Variants in AK9 observed in about 807,000 individuals in gnomAD.
AK9 encodes the protein adenylate kinase 9.
A neutral mutation model predicts 239.6 loss-of-function variants in AK9; 191 were observed. The ratio of observed to expected loss-of-function variants is 0.80; its 90% CI spans 0.71 to 0.90. The LOEUF is 0.90. Among genes scored for constraint, AK9 ranks in the 40% least tolerant of loss-of-function variants. The pLI is 0.00. For synonymous variants in AK9, 689 were observed against 721.0 expected (o/e 0.96, Z 0.71); for missense variants, 1,995 against 2,214.7 (o/e 0.90, Z 1.99).
At chr6:109,495,526 A>G in intron 38 of AK9, 86 bp from the exon 39 acceptor site, 1 of 954,284 alleles carries the variant, frequency 1.0e-6, no homozygotes, top group South Asian at 2.4e-5. Context: ...ATTAGAAGAT[A>G]AAGTTCACTA....
chr6:109,512,679 A>G (rs1778875207), intron 32 of AK9, among the ~76,000 whole-genome samples: 2 of 152,226 alleles, frequency 1.3e-5, no homozygotes, highest in South Asian at 2.1e-4. Flanking sequence ...AATGTATCCT[A>G]TATCTGCCCT....
At chr6:109,579,302 A>T in intron 20 of AK9, 1 of 398,262 alleles carries the variant, frequency 2.5e-6, no homozygotes. Flanking sequence ...GTGTATGAGT[A>T]GGTATCTCTG....
At chr6:109,672,871 C>T (rs185912127) in intron 3 of AK9, among the ~76,000 whole-genome samples, 1 of 152,218 alleles carries the variant, frequency 6.6e-6, no homozygotes, top group African/African-American at 2.4e-5. Flanking sequence ...ATTAATTAAT[C>T]CAGATTTTCA....
intron 29 of AK9, among the ~76,000 whole-genome samples, chr6:109,526,889 G>C (rs746224112): frequency 2.0e-4 from 30 of 152,166 alleles, no homozygotes; most frequent in Non-Finnish European, 4.1e-4. Context: ...GAGGATCCTG[G>C]AGATGGTTTT....
Position 109,509,300 on chromosome 6 carries a change from GGTGA to G in AK9, c.4356_4359del (p.His1453ArgfsTer9). 6.4e-7 allele frequency: 1 copy of G among 1,551,606 alleles called. No homozygotes were observed. Among genetic ancestry groups the G allele is most frequent in the Non-Finnish European group, 8.7e-7 (1 of 1,146,970 alleles). ...AACATAAGTGCCAGCTCTGTTTCCG[GGTGA>G]TTGTTTAGTACATAACGCAAAGCTC... On this transcript the variant is annotated frameshift_variant, in exon 33 of 41. Coordinates refer to ENST00000424296, the MANE Select transcript of AK9 (RefSeq NM_001145128.3). LOFTEE classifies it high-confidence loss of function.
At chr6:109,636,039 T>G (rs1455593260) in intron 10 of AK9, among the ~76,000 whole-genome samples, 2 of 152,170 alleles carry the variant, frequency 1.3e-5, no homozygotes, top group Non-Finnish European at 2.9e-5. Flanking sequence ...TATATACCAT[T>G]GAATAAAGGG....
At chr6:109,516,804 T>C (rs137942483) in intron 29 of AK9, among the ~76,000 whole-genome samples, 162 bp from the exon 30 acceptor site, 119 of 152,332 alleles carry the variant, frequency 7.8e-4, no homozygotes, top group South Asian at 2.3e-3. Flanking sequence ...CTGACACTTT[T>C]GGGGGTGTTA....
At chr6:109,680,818 A>T (rs1046078639) in intron 1 of AK9, among the ~76,000 whole-genome samples, 1 of 152,202 alleles carries the variant, frequency 6.6e-6, no homozygotes, top group Non-Finnish European at 1.5e-5. Context: ...TAAAGAAAAG[A>T]ATTTTCAACG....
intron 17 of AK9, among the ~76,000 whole-genome samples, chr6:109,603,685 G>A (rs1792414380): frequency 6.6e-6 from 1 of 152,196 alleles, no homozygotes; most frequent in Non-Finnish European, 1.5e-5. Context: ...GTCTACAGAG[G>A]CAGGCAGGCC....
chr6:109,575,548 T>C (rs1265450664), intron 20 of AK9, among the ~76,000 whole-genome samples: 1 of 152,146 alleles, frequency 6.6e-6, no homozygotes, highest in East Asian at 1.9e-4. Context: ...TTCTTGCTGA[T>C]TTGAGTTCCT....
At chr6:109,521,598 A>C (rs964013917) in intron 29 of AK9, among the ~76,000 whole-genome samples, 1 of 152,048 alleles carries the variant, frequency 6.6e-6, no homozygotes, top group Non-Finnish European at 1.5e-5. Flanking sequence ...ATTGATTCTA[A>C]AAATTAAAAG....
chr6:109,615,436 T>C (rs1794067494), intron 13 of AK9, among the ~76,000 whole-genome samples: 1 of 152,182 alleles, frequency 6.6e-6, no homozygotes, highest in African/African-American at 2.4e-5. Flanking sequence ...CTTAAATAGG[T>C]TGAATAACAA....
chr6:109,511,299 G>A (rs1289073019), intron 32 of AK9, among the ~76,000 whole-genome samples: 1 of 152,088 alleles, frequency 6.6e-6, no homozygotes, highest in African/African-American at 2.4e-5. Context: ...TTAGATCTCA[G>A]TTAATCCTCT....
chr6:109,571,327 G>A (rs547865425), intron 21 of AK9, among the ~76,000 whole-genome samples: 1 of 152,226 alleles, frequency 6.6e-6, no homozygotes, highest in Admixed American at 6.6e-5. Flanking sequence ...GAGAAGTTAT[G>A]CCTCTTTCCA....
At chr6:109,533,509 A>C in intron 27 of AK9, 39 bp from the exon 28 acceptor site, 1 of 1,486,530 alleles carries the variant, frequency 6.7e-7, no homozygotes. Flanking sequence ...TTTCATTAAA[A>C]TGTTGTAATG....
Position 109,564,819 on chromosome 6 carries a change from C to T in AK9, c.2371G>A (p.Val791Met), listed in dbSNP as rs1480248703. 2.6e-6 allele frequency: 4 copies of T among 1,545,596 alleles called. No homozygotes were observed. Among genetic ancestry groups the T allele is most frequent in the African/African-American group, 1.4e-5 (1 of 72,968 alleles). Reference sequence around the variant, plus strand: ...GATCCTTTTGGGATTTCTGTTTCCACTGTAGTTTCCTCGATAGGCTCAGAT... The same window carrying T: ...GATCCTTTTGGGATTTCTGTTTCCATTGTAGTTTCCTCGATAGGCTCAGAT... ...AVSEPIEETT[V>M]ETEIPKGSKE... The change falls in exon 22 of 41, where the codon GTG (valine) becomes ATG (methionine). Residue 791 changes from valine (V) to methionine (M), a missense_variant. Physicochemically the swap from Val to Met is conservative, Grantham distance 21. Around this residue, in one of 5 missense-constraint regions of AK9, gnomAD observed 1,290 missense variants for 1,392.7 expected, o/e 0.93. Transcript: ENST00000424296.
intron 17 of AK9, among the ~76,000 whole-genome samples, chr6:109,604,746 A>G (rs76535944): frequency 1.1e-3 from 160 of 152,350 alleles, no homozygotes; most frequent in African/African-American, 3.7e-3. Context: ...AAAATTTGAT[A>G]TTTTTATTAG....
chr6:109,532,007 A>C (rs1356978160), intron 28 of AK9, among the ~76,000 whole-genome samples: 1 of 152,208 alleles, frequency 6.6e-6, no homozygotes, highest in Non-Finnish European at 1.5e-5. Context: ...CAAGATGAAA[A>C]GAATTTGAAA....
At position 109,537,876 on chromosome 6, in the gene AK9, C is replaced by T. The variant is rs1235794301; in HGVS notation, c.3350+4171G>A. Among the ~76,000 whole-genome samples, 9 of 152,266 alleles carry T rather than the reference C, an allele frequency of 5.9e-5. No homozygotes were observed. In the East Asian group the frequency reaches 7.7e-4, roughly 13 times the overall value. ...TTTTGTTATGTACCCAGTAGTCATT[C>T]AGGAGCAGGTTGTTCAGTTTCCATG... On this transcript the variant is annotated intron_variant, in intron 27 of 40. Transcript: ENST00000424296.
Sources: gnomAD v4.1 joint callset for allele counts (sites outside exome capture counted in the v4.1 genomes callset) on GRCh38, gnomAD v4.1.1 for gene constraint, gnomAD v4.1.1 regional missense constraint, MANE v1.5 for transcripts, NCBI Gene and HGNC (gene_info 2026-07-23, HGNC 2026-07-21) for gene names.